Variants in SMAD9 observed in about 807,000 individuals in gnomAD.
The protein encoded by SMAD9 is SMAD family member 9, also known as MAD homolog 9.
Under a neutral mutation model 46.1 loss-of-function variants are expected in SMAD9, and 36 were observed. The observed-to-expected ratio is 0.78, with a 90% confidence interval of 0.60 to 1.03. SMAD9 has a LOEUF of 1.03. SMAD9 is among the 50% of genes least tolerant of loss of function. The probability of loss-of-function intolerance (pLI) is 0.00; values close to 1 mark genes in which losing one functional copy is unlikely to be tolerated. For missense variants in SMAD9, 572 were observed against 599.8 expected (o/e 0.95, Z 0.48); for synonymous variants, 245 against 237.1 (o/e 1.03, Z -0.31).
intron 3 of SMAD9, among the ~76,000 whole-genome samples, chr13:36,871,261 T>A (rs495972): frequency 0.27 from 40,567 of 152,068 alleles, 6,033 homozygotes; most frequent in East Asian, 0.5. Flanking sequence ...CTCCTGCCTG[T>A]AATCTCAGCA....
chr13:36,896,795 T>A (rs1237119576), intron 1 of SMAD9, among the ~76,000 whole-genome samples: 5 of 152,140 alleles, frequency 3.3e-5, no homozygotes, highest in African/African-American at 4.8e-5. Flanking sequence ...TTTTAAATAA[T>A]TCATTTATAA....
chr13:36,867,212 T>C, intron 4 of SMAD9, 61 bp downstream of exon 4: 2 of 1,120,066 alleles, frequency 1.8e-6, no homozygotes, highest in African/African-American at 3.1e-5. Flanking sequence ...TTGCTTTGTT[T>C]GGGGGTAATA....
At chr13:36,889,563 C>CT in intron 1 of SMAD9, among the ~76,000 whole-genome samples, 1 of 152,186 alleles carries the variant, frequency 6.6e-6, no homozygotes, top group East Asian at 1.9e-4. Context: ...CTCTAACAGG[C>CT]TTTTTTATTT....
rs184757709 is a variant in SMAD9, at chr13:36,861,559, G to A, written c.1003+3978C>T. Among the ~76,000 whole-genome samples the A allele has an allele frequency of 8.9e-3, 1,314 of 147,260 alleles. 28 individuals carry two copies. Among genetic ancestry groups the A allele is most frequent in the African/African-American group, 0.033 (1,256 of 37,500 alleles). On this transcript the variant is annotated intron_variant, in intron 5 of 6. Coordinates refer to ENST00000379826, the MANE Select transcript of SMAD9 (RefSeq NM_001127217.3). ...TCGAACTCCCGACCTCAGGTGACCT[G>A]CCTGCCTTGGCCTCCCAAATTGCTG...
upstream of SMAD9, chr13:36,920,589 C>T (rs1223038783): frequency 1.3e-5 from 2 of 152,190 alleles, no homozygotes; most frequent in Admixed American, 6.5e-5. Flanking sequence ...GGGGTGGGAG[C>T]CCTTTGTCTG....
At chr13:36,852,618 A>G (rs572009738) in intron 6 of SMAD9, 7 of 952,864 alleles carry the variant, frequency 7.3e-6, no homozygotes, top group Non-Finnish European at 8.7e-6. Flanking sequence ...AATTGTTTAT[A>G]CCTTTATAAC....
chr13:36,856,262 A>G (rs2058123588), intron 5 of SMAD9, among the ~76,000 whole-genome samples: 1 of 152,224 alleles, frequency 6.6e-6, no homozygotes, highest in South Asian at 2.1e-4. Flanking sequence ...CTAAGGATTT[A>G]GTCGGTATGT....
At chr13:36,917,563 CCTCT>C (rs765463472) in intron 1 of SMAD9, among the ~76,000 whole-genome samples, 31 of 150,518 alleles carry the variant, frequency 2.1e-4, no homozygotes, top group African/African-American at 4.1e-4. Context: ...TTCTTTAACT[CCTCT>C]CTAAGTGTCC....
chr13:36,851,999 T>A (rs2058078624), intron 6 of SMAD9: 2 of 983,130 alleles, frequency 2.0e-6, no homozygotes, highest in African/African-American at 3.5e-5. Flanking sequence ...ATTCAAATGA[T>A]GCCCTCTGCC....
rs771904344 is a variant in SMAD9 at position 36,865,710 on chromosome 13, G to C, written c.830C>G (p.Ala277Gly). 2 of 1,614,148 alleles carry C rather than the reference G, an allele frequency of 1.2e-6. No individual in the cohort carries two copies. The highest frequency in any genetic ancestry group is 4.5e-5 in the East Asian group (2 of 44,882). Residue 277 changes from alanine (A) to glycine (G), a missense_variant, in exon 5 of 7, where the codon GCC becomes GGC. Ala to Gly is a moderately conservative substitution (Grantham distance 60). Coordinates refer to ENST00000379826, the MANE Select transcript of SMAD9 (RefSeq NM_001127217.3). ...AACTCGGTTGTTCAGTTCATAGTAGGCGACCGAGCACCAGTGCTGGGGCTC... is the reference window on the plus strand; with the variant it reads ...AACTCGGTTGTTCAGTTCATAGTAGCCGACCGAGCACCAGTGCTGGGGCTC... ...YEEPQHWCSV[A>G]YYELNNRVGE...
chr13:36,868,166 G>A (rs2058253877), intron 3 of SMAD9, among the ~76,000 whole-genome samples: 1 of 152,216 alleles, frequency 6.6e-6, no homozygotes, highest in Non-Finnish European at 1.5e-5. Flanking sequence ...TCACACTTAA[G>A]TGTACACAAA....
intron 5 of SMAD9, among the ~76,000 whole-genome samples, chr13:36,859,698 C>T (rs181978000): frequency 2.6e-5 from 4 of 152,228 alleles, no homozygotes; most frequent in Admixed American, 6.5e-5. Context: ...CGGTGGCTCA[C>T]GCCTGAAATC....
At position 36,863,859 on chromosome 13, in the gene SMAD9, A is replaced by G. The variant is rs559648839; in HGVS notation, c.1003+1678T>C. On this transcript the variant is annotated intron_variant, in intron 5 of 6. Transcript: ENST00000379826. Reference sequence around the variant, plus strand: ...GGCCAAATAAACCTCTTTTTTTAATAAATTACCCAGTCTCAGGTATTCCTT... The same window carrying G: ...GGCCAAATAAACCTCTTTTTTTAATGAATTACCCAGTCTCAGGTATTCCTT... 6.6e-5 allele frequency among the ~76,000 whole-genome samples: 10 copies of G among 152,296 alleles called. No homozygotes were observed. The South Asian group carries it at 1.7e-3, about 25-fold the overall frequency.
chr13:36,858,143 T>C (rs2058144672), intron 5 of SMAD9, among the ~76,000 whole-genome samples: 1 of 152,164 alleles, frequency 6.6e-6, no homozygotes, highest in African/African-American at 2.4e-5. Flanking sequence ...TGAAGACTCA[T>C]TATATTCCCC....
chr13:36,845,871 T>C lies in SMAD9; in HGVS notation c.*2805A>G, dbSNP rs1269244866. ...GACTGGTGATGATCATATGTGCCAA[T>C]TTAATAATTTATTTGTCACAGAAAA... is the stretch of plus-strand genomic sequence containing the variant. On this transcript the variant is annotated 3_prime_UTR_variant, in exon 7 of 7. Transcript: ENST00000379826. 1 of 152,188 alleles carries C rather than the reference T, an allele frequency of 6.6e-6. No individual in the cohort carries two copies. Among genetic ancestry groups the C allele is most frequent in the African/African-American group, 2.4e-5 (1 of 41,458 alleles). The allele number at this position is 152,188 out of a possible 1,614,324, so 9.4% of individuals were successfully genotyped here.
chr13:36,853,833 G>A (rs1248474081), intron 5 of SMAD9, among the ~76,000 whole-genome samples, 158 bp from the exon 6 acceptor site: 2 of 152,180 alleles, frequency 1.3e-5, no homozygotes, highest in Non-Finnish European at 2.9e-5. Context: ...TTAGTTTAAT[G>A]ATAATCTGTG....
chr13:36,907,201 G>A (rs1389370892), intron 1 of SMAD9, among the ~76,000 whole-genome samples: 2 of 152,138 alleles, frequency 1.3e-5, no homozygotes, highest in Non-Finnish European at 2.9e-5. Flanking sequence ...AATTCATAGA[G>A]AAGAAAGTAG....
intron 1 of SMAD9, among the ~76,000 whole-genome samples, chr13:36,916,935 G>A (rs921302894): frequency 6.6e-6 from 1 of 151,878 alleles, no homozygotes; most frequent in East Asian, 1.9e-4. Flanking sequence ...GCCAGGGTAT[G>A]CATGGAAACT....
At chr13:36,898,953 A>T (rs2058551905) in intron 1 of SMAD9, among the ~76,000 whole-genome samples, 1 of 152,250 alleles carries the variant, frequency 6.6e-6, no homozygotes, top group South Asian at 2.1e-4. Context: ...ATACAAGCAT[A>T]AAGATTAGAA....
Sources: allele counts gnomAD v4.1 joint callset (sites outside exome capture counted in the v4.1 genomes callset), GRCh38; gene constraint gnomAD v4.1.1; transcripts MANE v1.5; gene names NCBI Gene and HGNC (gene_info 2026-07-23, HGNC 2026-07-21).